The following CDH10 variants were observed in gnomAD, a reference collection of about 807,000 sequenced individuals.
CDH10 encodes cadherin 10.
In CDH10, 30 loss-of-function variants were observed where a neutral mutation model predicts 73.1. The ratio of observed to expected loss-of-function variants is 0.41; its 90% CI spans 0.31 to 0.56. The LOEUF is 0.56. Ranked by LOEUF, CDH10 falls within the 20% of genes least tolerant of loss-of-function variation. The pLI is 0.27. For synonymous variants in CDH10, 345 were observed against 348.2 expected, an observed-to-expected ratio of 0.99 and a Z score of 0.10; for missense variants, 815 against 973.7, an observed-to-expected ratio of 0.84 and a Z score of 2.17.
intron 9 of CDH10, among the ~76,000 whole-genome samples, chr5:24,496,893 G>T (rs147999803): frequency 1.3e-5 from 2 of 152,274 alleles, no homozygotes; most frequent in African/African-American, 4.8e-5. Context: ...CAGCCTATGA[G>T]ACCGAAGTGA....
chr5:24,502,061 A>T (rs1031992636), intron 8 of CDH10, among the ~76,000 whole-genome samples: 7 of 150,636 alleles, frequency 4.6e-5, no homozygotes, highest in Non-Finnish European at 8.9e-5. Context: ...TTGGGACTAC[A>T]GGTGCCCGCC....
At chr5:24,495,088 C>A (rs918853810) in intron 9 of CDH10, among the ~76,000 whole-genome samples, 2 of 152,040 alleles carry the variant, frequency 1.3e-5, no homozygotes, top group African/African-American at 2.4e-5. Flanking sequence ...GGTAAATGTG[C>A]CGTAAAGACT....
chr5:24,642,676 A>C (rs2112224816), intron 1 of CDH10, among the ~76,000 whole-genome samples: 1 of 152,306 alleles, frequency 6.6e-6, no homozygotes, highest in African/African-American at 2.4e-5. Flanking sequence ...ACATCAAGGA[A>C]CATCACCTAG....
At chr5:24,581,498 TA>T (rs1375496017) in intron 2 of CDH10, among the ~76,000 whole-genome samples, 7 of 152,194 alleles carry the variant, frequency 4.6e-5, no homozygotes, top group Non-Finnish European at 1.0e-4. Flanking sequence ...GTCTCACATT[TA>T]TTTTGAATTT....
chr5:24,526,815 C>T (rs1055636597), intron 5 of CDH10, among the ~76,000 whole-genome samples: 2 of 151,734 alleles, frequency 1.3e-5, no homozygotes, highest in Admixed American at 6.6e-5. Flanking sequence ...ATAATATATG[C>T]AGCATTTTAT....
chr5:24,491,597 G>A lies in CDH10; in HGVS notation c.1855C>T (p.Leu619Phe), dbSNP rs1579709960. 6.2e-7 allele frequency: 1 copy of A among 1,613,562 alleles called. No individual in the cohort carries two copies. The highest frequency in any genetic ancestry group is 8.5e-7 in the Non-Finnish European group (1 of 1,179,656). The change falls in exon 11 of 12, where the codon CTC (leucine) becomes TTC (phenylalanine). Residue 619 changes from leucine (L) to phenylalanine (F), a missense_variant. Physicochemically the swap from Leu to Phe is conservative, Grantham distance 22. Coordinates refer to ENST00000264463, the MANE Select transcript of CDH10 (RefSeq NM_006727.5). ...LSTGALIAIL[L>F]CIIILLVIVV... ...TTACCCAGTAGAATGATGATGCAGA[G>A]GAGGATGGCGATCAAGGCCCCAGTG...
intron 2 of CDH10, among the ~76,000 whole-genome samples, chr5:24,577,883 A>G (rs1745660668): frequency 6.6e-6 from 1 of 152,198 alleles, no homozygotes; most frequent in Admixed American, 6.5e-5. Context: ...TAAAGAGCAC[A>G]ATGATCAACA....
chr5:24,618,939 AATT>A (rs1204171550), intron 1 of CDH10, among the ~76,000 whole-genome samples: 1 of 152,148 alleles, frequency 6.6e-6, no homozygotes, highest in Non-Finnish European at 1.5e-5. Context: ...TGATTTTAAT[AATT>A]ATTTTAATTG....
chr5:24,490,391 AG>A (rs1328465924), intron 11 of CDH10, among the ~76,000 whole-genome samples: 2 of 151,368 alleles, frequency 1.3e-5, no homozygotes, highest in African/African-American at 4.9e-5. Flanking sequence ...TACAGAGAAA[AG>A]TTTTGTTCTG....
chr5:24,600,605 CGT>C (rs138388137), intron 1 of CDH10, among the ~76,000 whole-genome samples: 55 of 149,274 alleles, frequency 3.7e-4, no homozygotes, highest in Non-Finnish European at 3.9e-4. Flanking sequence ...TGCGTGCGTG[CGT>C]GTGTGTGTGT....
At chr5:24,602,990 G>T (rs1216812761) in intron 1 of CDH10, among the ~76,000 whole-genome samples, 2 of 152,016 alleles carry the variant, frequency 1.3e-5, no homozygotes, top group Non-Finnish European at 2.9e-5. Flanking sequence ...ACAATCTATT[G>T]ATCATTTTAA....
At chr5:24,579,867 T>C (rs554566112) in intron 2 of CDH10, among the ~76,000 whole-genome samples, 2 of 152,256 alleles carry the variant, frequency 1.3e-5, no homozygotes, top group Admixed American at 1.3e-4. Context: ...TCTAGTCCCA[T>C]GACATTAAAT....
At chr5:24,618,353 A>G (rs1011781838) in intron 1 of CDH10, among the ~76,000 whole-genome samples, 1 of 152,202 alleles carries the variant, frequency 6.6e-6, no homozygotes, top group Non-Finnish European at 1.5e-5. Flanking sequence ...TGTAAAGGTG[A>G]TTGCTGAGTG....
chr5:24,635,479 C>A (rs1747838466), intron 1 of CDH10, among the ~76,000 whole-genome samples: 1 of 151,848 alleles, frequency 6.6e-6, no homozygotes, highest in African/African-American at 2.4e-5. Context: ...AAATTCGTAT[C>A]CATCAATTCC....
chr5:24,612,851 A>C (rs563898280), intron 1 of CDH10: 49 of 152,294 alleles, frequency 3.2e-4, no homozygotes, highest in African/African-American at 1.1e-3. Context: ...CTATCATAAA[A>C]TATTTGTGGT....
At chr5:24,640,953 T>C (rs961803610) in intron 1 of CDH10, among the ~76,000 whole-genome samples, 1 of 151,978 alleles carries the variant, frequency 6.6e-6, no homozygotes, top group Non-Finnish European at 1.5e-5. Context: ...AAGCAAAAGT[T>C]GTATTAATAA....
In CDH10 at chr5:24,589,762, C is replaced by A. The variant is rs11741076; in HGVS notation, c.231+3498G>T. 2.8e-4 allele frequency among the ~76,000 whole-genome samples: 42 copies of A among 152,170 alleles called. No homozygotes were observed. The East Asian group carries it at 4.2e-3, about 15-fold the overall frequency. On this transcript the variant is annotated intron_variant, in intron 2 of 11. Transcript: ENST00000264463. ...AAATTATCTGCTCAACGCAACTGGA[C>A]TGAGCAATAGGAAACTGATTAGAAA...
chr5:24,547,762 G>T (rs1347888307), intron 2 of CDH10, among the ~76,000 whole-genome samples: 2 of 152,148 alleles, frequency 1.3e-5, no homozygotes, highest in Non-Finnish European at 2.9e-5. Flanking sequence ...GATTTACAGA[G>T]ACTTATTTTT....
At chr5:24,637,629 A>G (rs1052446244) in intron 1 of CDH10, among the ~76,000 whole-genome samples, 1 of 151,956 alleles carries the variant, frequency 6.6e-6, no homozygotes, top group African/African-American at 2.4e-5. Context: ...ATTAGGAGCT[A>G]AAGAATAATT....
Sources: allele counts gnomAD v4.1 joint callset (sites outside exome capture counted in the v4.1 genomes callset), GRCh38; gene constraint gnomAD v4.1.1; transcripts MANE v1.5; gene names NCBI Gene and HGNC (gene_info 2026-07-23, HGNC 2026-07-21).